The following LDLRAD4 variants were observed in gnomAD, a reference collection of about 807,000 sequenced individuals.
LDLRAD4 encodes the protein low density lipoprotein receptor class A domain containing 4, also known as low-density lipoprotein receptor class A domain-containing protein 4.
Under a neutral mutation model 17.0 loss-of-function variants are expected in LDLRAD4, and 5 were observed. The observed-to-expected ratio is 0.29, with a 90% confidence interval of 0.15 to 0.62. The LOEUF (loss-of-function observed/expected upper bound fraction) is 0.62, where lower values mean the gene tolerates loss of function less well. Among genes scored for constraint, LDLRAD4 ranks in the 20% least tolerant of loss-of-function variants. The probability of loss-of-function intolerance (pLI) is 0.84; values close to 1 mark genes in which losing one functional copy is unlikely to be tolerated. For missense variants in LDLRAD4, 340 were observed against 424.7 expected, an observed-to-expected ratio of 0.80 and a Z score of 1.75; for synonymous variants, 168 against 171.8, an observed-to-expected ratio of 0.98 and a Z score of 0.17.
chr18:13,457,674 AAGCCTGT>A (rs1330299376), intron 3 of LDLRAD4, among the ~76,000 whole-genome samples: 4 of 151,960 alleles, frequency 2.6e-5, no homozygotes, highest in African/African-American at 9.7e-5. Context: ...CCGTGGAGGA[AAGCCTGT>A]AGATAGATCC....
chr18:13,227,625 T>A (rs2041876402), intron 1 of LDLRAD4, among the ~76,000 whole-genome samples: 2 of 152,228 alleles, frequency 1.3e-5, no homozygotes, highest in African/African-American at 4.8e-5. Flanking sequence ...GAAAGAGGTT[T>A]AATTGACTCA....
chr18:13,361,780 C>A (rs1240129396), intron 1 of LDLRAD4, among the ~76,000 whole-genome samples: 1 of 152,104 alleles, frequency 6.6e-6, no homozygotes, highest in Non-Finnish European at 1.5e-5. Flanking sequence ...AGGGGCCTCT[C>A]CATCCTAGCA....
At chr18:13,546,737 C>T (rs557411036) in intron 3 of LDLRAD4, among the ~76,000 whole-genome samples, 32 of 152,246 alleles carry the variant, frequency 2.1e-4, no homozygotes, top group Admixed American at 5.2e-4. Flanking sequence ...GCACGTGGTT[C>T]CCCCATCCGC....
At chr18:13,293,119 A>G (rs1374241061) in intron 1 of LDLRAD4, among the ~76,000 whole-genome samples, 3 of 152,272 alleles carry the variant, frequency 2.0e-5, no homozygotes, top group African/African-American at 4.8e-5. Context: ...GCTCTTGGCT[A>G]CATTACAGTT....
At chr18:13,442,260 G>A (rs924363124) in intron 3 of LDLRAD4, among the ~76,000 whole-genome samples, 5 of 152,272 alleles carry the variant, frequency 3.3e-5, no homozygotes, top group Middle Eastern at 3.4e-3. Flanking sequence ...GTGGGGAGGC[G>A]AATTCACACC....
chr18:13,483,186 T>G (rs2093135372), intron 3 of LDLRAD4, among the ~76,000 whole-genome samples: 1 of 152,184 alleles, frequency 6.6e-6, no homozygotes, highest in South Asian at 2.1e-4. Context: ...ATCCCTGGTC[T>G]CAAACCCATC....
chr18:13,625,709 C>T (rs1313476360), intron 4 of LDLRAD4, among the ~76,000 whole-genome samples: 5 of 140,224 alleles, frequency 3.6e-5, no homozygotes, highest in Admixed American at 7.1e-5. Context: ...CGCCAGAGGC[C>T]TCCTCCCCCT....
At chr18:13,599,148 A>C (rs546678003) in intron 3 of LDLRAD4, among the ~76,000 whole-genome samples, 2 of 152,094 alleles carry the variant, frequency 1.3e-5, no homozygotes, top group Non-Finnish European at 2.9e-5. Context: ...CTTTCACTGG[A>C]GATGCCATAG....
At chr18:13,245,611 G>A (rs1255909180) in intron 1 of LDLRAD4, among the ~76,000 whole-genome samples, 2 of 152,216 alleles carry the variant, frequency 1.3e-5, no homozygotes, top group East Asian at 1.9e-4. Flanking sequence ...TCTCACTATG[G>A]CCCATGTATC....
intron 1 of LDLRAD4, among the ~76,000 whole-genome samples, chr18:13,245,830 T>C (rs549071703): frequency 8.5e-5 from 13 of 152,228 alleles, no homozygotes; most frequent in Non-Finnish European, 1.5e-4. Context: ...TCTCTTCCTC[T>C]TGATTTTCTT....
rs549249084 is a variant in LDLRAD4, at chr18:13,643,354, G to A, written c.337-5G>A. ...CCCCACTCTCCTCCCCTTCCCCTCC[G>A]CCAGGAAGGGTGCCTGTGGCCTTCA... is the stretch of plus-strand genomic sequence containing the variant. On this transcript the variant is annotated splice_polypyrimidine_tract_variant and splice_region_variant and intron_variant, in intron 4 of 5. Transcript: ENST00000359446. The A allele has an allele frequency of 8.2e-6, 12 of 1,461,558 alleles. No homozygotes were observed. In the East Asian group the frequency reaches 2.2e-4, roughly 27 times the overall value. 90.5% of individuals were successfully genotyped at this position (1,461,558 alleles called of 1,614,324 possible).
At chr18:13,571,962 T>C (rs981301828) in intron 3 of LDLRAD4, among the ~76,000 whole-genome samples, 2 of 152,224 alleles carry the variant, frequency 1.3e-5, no homozygotes, top group Non-Finnish European at 2.9e-5. Context: ...TTAATCATTG[T>C]TAACCTAAGT....
intron 3 of LDLRAD4, among the ~76,000 whole-genome samples, chr18:13,569,538 C>A (rs1298037886): frequency 6.6e-6 from 1 of 152,236 alleles, no homozygotes; most frequent in African/African-American, 2.4e-5. Flanking sequence ...ATTAGCCTTA[C>A]TTTGGGCTAA....
chr18:13,274,372 C>T (rs2044735540), upstream of LDLRAD4, among the ~76,000 whole-genome samples: 1 of 152,194 alleles, frequency 6.6e-6, no homozygotes, highest in South Asian at 2.1e-4. Flanking sequence ...TCCCTGCTGG[C>T]CCCTACACAG....
chr18:13,287,075 G>A (rs1438397851), intron 1 of LDLRAD4, among the ~76,000 whole-genome samples: 1 of 152,160 alleles, frequency 6.6e-6, no homozygotes, highest in Non-Finnish European at 1.5e-5. Flanking sequence ...CTGGAGATTG[G>A]CTAGAAAGCA....
At chr18:13,598,217 A>G (rs1306706498) in intron 3 of LDLRAD4, among the ~76,000 whole-genome samples, 1 of 152,128 alleles carries the variant, frequency 6.6e-6, no homozygotes, top group Non-Finnish European at 1.5e-5. Context: ...TCGTTGGACT[A>G]TTTTATTAAA....
intron 3 of LDLRAD4, among the ~76,000 whole-genome samples, chr18:13,606,035 G>A (rs779429895): frequency 2.0e-5 from 3 of 152,158 alleles, no homozygotes; most frequent in Non-Finnish European, 2.9e-5. Flanking sequence ...TCTGAGGAGC[G>A]AGGGTTGGAT....
rs1050105945 is a variant in LDLRAD4, at chr18:13,570,241, A to G, written c.182-50876A>G. Among the ~76,000 whole-genome samples the G allele has an allele frequency of 5.3e-5, 8 of 152,366 alleles. No individual in the cohort carries two copies. The East Asian group carries it at 9.6e-4, about 18-fold the overall frequency. On this transcript the variant is annotated intron_variant, in intron 3 of 5. Coordinates refer to ENST00000359446, the Ensembl canonical transcript of LDLRAD4. ...CGTCTGGGACGGTCTGCACCGGAGCATGTGGGGGGCCTGGTCTGTGCGCAG... is the reference window on the plus strand; with the variant it reads ...CGTCTGGGACGGTCTGCACCGGAGCGTGTGGGGGGCCTGGTCTGTGCGCAG...
chr18:13,648,769 CT>C (rs774234855), exon 6 of LDLRAD4: 20 of 152,294 alleles, frequency 1.3e-4, no homozygotes, highest in East Asian at 7.7e-4. Flanking sequence ...GGAATGAACA[CT>C]CCTGGGCATA....
Sources: allele counts gnomAD v4.1 joint callset (sites outside exome capture counted in the v4.1 genomes callset), GRCh38; gene constraint gnomAD v4.1.1; transcripts MANE v1.5; gene names NCBI Gene and HGNC (gene_info 2026-07-23, HGNC 2026-07-21).